PCBP3: variants seen among roughly 807,000 people sequenced by gnomAD.
The protein encoded by PCBP3 is poly(rC) binding protein 3.
A neutral mutation model predicts 52.7 loss-of-function variants in PCBP3; 25 were observed. The ratio of observed to expected loss-of-function variants is 0.47; its 90% confidence interval spans 0.35 to 0.66. PCBP3 has a LOEUF of 0.66. Among genes scored for constraint, PCBP3 ranks in the 30% least tolerant of loss-of-function variants. PCBP3 has a pLI of 0.01. For missense variants in PCBP3, 391 were observed against 490.3 expected, an observed-to-expected ratio of 0.80 and a Z score of 1.91; for synonymous variants, 162 against 183.0, an observed-to-expected ratio of 0.89 and a Z score of 0.93.
chr21:45,823,720 G>A (rs544215562), intron 4 of PCBP3, among the ~76,000 whole-genome samples: 12 of 73,638 alleles, frequency 1.6e-4, no homozygotes, highest in African/African-American at 5.8e-4. Flanking sequence ...GGCAAAGTAG[G>A]TGTTTTTTTT....
In PCBP3 at chr21:45,669,836, T is replaced by C. The variant is rs1396407702; in HGVS notation, c.-200+884T>C. Among the ~76,000 whole-genome samples the C allele has an allele frequency of 2.9e-5, 4 of 139,992 alleles. 1 individual carries two copies. Among genetic ancestry groups the C allele is most frequent in the Admixed American group, 2.1e-4 (3 of 14,014 alleles). 91.8% of individuals were successfully genotyped at this position (139,992 alleles called of 152,430 possible). ...ATATATATATATATATATATATATA[T>C]ATATATATATCACATTTTGTTTATT... On this transcript the variant is annotated intron_variant, in intron 2 of 17. Transcript: ENST00000681687.
intron 13 of PCBP3, among the ~76,000 whole-genome samples, chr21:45,922,978 CGTT>C (rs10532807): frequency 0.41 from 62,805 of 151,946 alleles, 13,838 homozygotes; most frequent in African/African-American, 0.56. Flanking sequence ...AGAAATGTGT[CGTT>C]GTAAGTGGGA....
intron 6 of PCBP3, among the ~76,000 whole-genome samples, chr21:45,898,868 T>G (rs1464802949): frequency 2.1e-5 from 3 of 144,368 alleles, no homozygotes; most frequent in Non-Finnish European, 3.0e-5. Flanking sequence ...CACGGGCCCC[T>G]CTGCACGCCG....
At chr21:45,806,264 G>C (rs1438467804) in intron 4 of PCBP3, among the ~76,000 whole-genome samples, 1 of 152,194 alleles carries the variant, frequency 6.6e-6, no homozygotes, top group Non-Finnish European at 1.5e-5. Flanking sequence ...CTTTGGCCAA[G>C]TGCATGCAGA....
At chr21:45,903,097 C>T (rs1242605191) in intron 9 of PCBP3, among the ~76,000 whole-genome samples, 1 of 152,170 alleles carries the variant, frequency 6.6e-6, no homozygotes, top group African/African-American at 2.4e-5. Context: ...CCTAAGATGT[C>T]TGAGGTATTC....
chr21:45,651,192 T>C (rs926727802), intron 1 of PCBP3, among the ~76,000 whole-genome samples: 2 of 152,168 alleles, frequency 1.3e-5, no homozygotes, highest in African/African-American at 4.8e-5. Flanking sequence ...TGATAGCTTG[T>C]TATGTGGCAA....
chr21:45,922,477 C>T (rs1011762819), intron 13 of PCBP3, among the ~76,000 whole-genome samples: 6 of 152,258 alleles, frequency 3.9e-5, no homozygotes, highest in East Asian at 1.9e-4. Flanking sequence ...GTTACCTGAG[C>T]TCCGGCAGTC....
At chr21:45,766,209 C>T (rs981064757) in intron 4 of PCBP3, among the ~76,000 whole-genome samples, 18 of 152,204 alleles carry the variant, frequency 1.2e-4, no homozygotes, top group Admixed American at 5.9e-4. Context: ...TGGCTGGCCA[C>T]GCTTTGATGT....
At position 45,669,803 on chromosome 21, in the gene PCBP3, GTGTATATATATATATATATATA is replaced by G. The variant is rs1251314187; in HGVS notation, c.-200+853_-200+874del. ...AATATTCCATTGTGTGTGTGTGTGT[GTGTATATATATATATATATATA>G]TATATATATATATATATATATCACA... is the stretch of plus-strand genomic sequence containing the variant. On this transcript the variant is annotated intron_variant, in intron 2 of 17. Transcript: ENST00000681687. 3.0e-3 allele frequency among the ~76,000 whole-genome samples: 161 copies of G among 54,404 alleles called. 3 individuals carry two copies. Among genetic ancestry groups the G allele is most frequent in the Non-Finnish European group, 4.5e-3 (130 of 29,072 alleles). The allele number at this position is 54,404 out of a possible 152,430, so 35.7% of individuals were successfully genotyped here. A position where few individuals can be genotyped will look rare whatever the true frequency, so the allele number is the denominator to read the frequency against.
At chr21:45,819,563 C>A (rs2093066403) in intron 4 of PCBP3, among the ~76,000 whole-genome samples, 1 of 152,262 alleles carries the variant, frequency 6.6e-6, no homozygotes, top group Non-Finnish European at 1.5e-5. Flanking sequence ...CAGAGTCCAT[C>A]TGGTTTCTAG....
intron 11 of PCBP3, 157 bp downstream of exon 11, chr21:45,911,187 C>A (rs536346648): frequency 7.4e-6 from 6 of 806,278 alleles, no homozygotes; most frequent in Non-Finnish European, 1.0e-5. Context: ...AGAGCGGTGC[C>A]GGTATGGGCG....
chr21:45,662,271 GTTTTTTTTTTT>G (rs59220095), intron 1 of PCBP3, among the ~76,000 whole-genome samples: 15 of 97,268 alleles, frequency 1.5e-4, no homozygotes, highest in South Asian at 3.4e-4. Context: ...ATATACCTAA[GTTTTTTTTTTT>G]TTTTTTTTTT....
chr21:45,652,494 G>A (rs2146862953), intron 1 of PCBP3, among the ~76,000 whole-genome samples: 1 of 148,454 alleles, frequency 6.7e-6, no homozygotes, highest in East Asian at 2.0e-4. Flanking sequence ...AGGTTGGAGT[G>A]CAGTGGCATG....
chr21:45,702,138 G>T (rs971030283), intron 2 of PCBP3, among the ~76,000 whole-genome samples: 1 of 152,152 alleles, frequency 6.6e-6, no homozygotes, highest in Non-Finnish European at 1.5e-5. Context: ...CTTGACAGGT[G>T]GTAGTTTCTT....
intron 4 of PCBP3, among the ~76,000 whole-genome samples, chr21:45,814,520 GGTGA>G (rs1265176329): frequency 8.6e-6 from 1 of 116,058 alleles, no homozygotes; most frequent in Non-Finnish European, 1.8e-5. Flanking sequence ...AGTGATGAGT[GGTGA>G]GTGAGTGATG....
intron 2 of PCBP3, among the ~76,000 whole-genome samples, chr21:45,689,488 C>G (rs928308079): frequency 6.6e-6 from 1 of 151,938 alleles, no homozygotes; most frequent in African/African-American, 2.4e-5. Flanking sequence ...TACTTCATGG[C>G]GAATGACTGA....
intron 1 of PCBP3, among the ~76,000 whole-genome samples, chr21:45,658,737 T>G (rs369150288): frequency 1.8e-4 from 28 of 152,260 alleles, no homozygotes; most frequent in African/African-American, 5.8e-4. Flanking sequence ...TTTCTCCTTG[T>G]GAAGGATTGG....
chr21:45,926,871 T>G (rs1486563617), intron 13 of PCBP3, among the ~76,000 whole-genome samples: 1 of 152,232 alleles, frequency 6.6e-6, no homozygotes, highest in Non-Finnish European at 1.5e-5. Context: ...TTCAACTTTG[T>G]GAAATGTTGG....
chr21:45,893,505 G>A (rs1210104679), intron 5 of PCBP3, among the ~76,000 whole-genome samples: 1 of 152,126 alleles, frequency 6.6e-6, no homozygotes, highest in Non-Finnish European at 1.5e-5. Context: ...GAGCTGGGGT[G>A]CAGAGTGTGT....
Sources: allele counts gnomAD v4.1 joint callset (sites outside exome capture counted in the v4.1 genomes callset), GRCh38; gene constraint gnomAD v4.1.1; transcripts MANE v1.5; gene names NCBI Gene and HGNC (gene_info 2026-07-23, HGNC 2026-07-21).